The following SMARCD2 variants were observed in gnomAD, a reference collection of about 807,000 sequenced individuals.
The protein encoded by SMARCD2 is SWI/SNF-related matrix-associated actin-dependent regulator of chromatin subfamily D member 2.
Under a neutral mutation model 70.4 loss-of-function variants are expected in SMARCD2, and 39 were observed. The observed-to-expected ratio is 0.55, with a 90% CI of 0.43 to 0.72. The LOEUF (loss-of-function observed/expected upper bound fraction) is 0.72, where lower values mean the gene tolerates loss of function less well. Among genes scored for constraint, SMARCD2 ranks in the 30% least tolerant of loss-of-function variants. The pLI is 0.00. For synonymous variants in SMARCD2, 249 were observed against 279.4 expected (o/e 0.89, Z 1.08); for missense variants, 540 against 713.4 (o/e 0.76, Z 2.77).
At position 63,835,629 on chromosome 17, in the gene SMARCD2, G is replaced by T. The variant is rs140660161; in HGVS notation, c.568-62C>A. Reference sequence around the variant, plus strand: ...CAAGATGCTGGGACACAGTGCTACCGCATCTTCTCATATGAACCATTCAAC... The same window carrying T: ...CAAGATGCTGGGACACAGTGCTACCTCATCTTCTCATATGAACCATTCAAC... On this transcript the variant is annotated intron_variant, in intron 4 of 12. Transcript: ENST00000448276. The T allele has an allele frequency of 1.0e-3, 1,542 of 1,520,602 alleles. 8 individuals carry two copies. The African/African-American group carries it at 0.018, about 17-fold the overall frequency. 94.2% of individuals were successfully genotyped at this position (1,520,602 alleles called of 1,614,324 possible). A position where few individuals can be genotyped will look rare whatever the true frequency, so the allele number is the denominator to read the frequency against.
chr17:63,834,463 G>A lies in SMARCD2; in HGVS notation c.921+11C>T. The A allele has an allele frequency of 6.4e-7, 1 of 1,572,910 alleles. No homozygotes were observed. Among genetic ancestry groups the A allele is most frequent in the South Asian group, 1.1e-5 (1 of 87,320 alleles). ...CTGTGGGCCCAGAAATGACCCCAGG[G>A]TCTCTGTCACCTGATGATCCAGCAT... On this transcript the variant is annotated intron_variant, in intron 7 of 12. Transcript: ENST00000448276. The surrounding 1 kb of genome is among the most constrained non-coding windows in gnomAD (Gnocchi z 5.6).
At chr17:63,841,555 G>T (rs551884152) in intron 1 of SMARCD2, among the ~76,000 whole-genome samples, 1 of 152,388 alleles carries the variant, frequency 6.6e-6, no homozygotes, top group East Asian at 1.9e-4. Flanking sequence ...CTGAACAGCA[G>T]ACTAGAGCAC....
chr17:63,838,967 G>A lies in SMARCD2; in HGVS notation c.217-1342C>T, dbSNP rs1291956507. ...ATGGAAAGAAACATGACCCACAGAC[G>A]TGAGGATGGGGAGAGGAGGAGCAGG... On this transcript the variant is annotated intron_variant, in intron 1 of 12. Transcript: ENST00000448276. 6 of 985,236 alleles carry A rather than the reference G, an allele frequency of 6.1e-6. No individual in the cohort carries two copies. In the Admixed American group the frequency reaches 1.8e-4, roughly 30 times the overall value. 61.0% of individuals were successfully genotyped at this position (985,236 alleles called of 1,614,324 possible).
intron 4 of SMARCD2, among the ~76,000 whole-genome samples, chr17:63,836,500 GAAAAA>G (rs61376475): frequency 1.5e-5 from 1 of 64,824 alleles, no homozygotes. Context: ...CTCCATCTCA[GAAAAA>G]AAAAAAAAAA....
rs778803525 is a variant in SMARCD2 at position 63,837,531 on chromosome 17, C to T, written c.311G>A (p.Arg104Gln). ...CATCATGGTGGGTGGCATGCCAGGT[C>T]GAAGCGGAGCTGCTGCACCAAATGG... ...GSPFGAAAPLRPGMPPTMMDP... is the reference protein window; with the variant it reads ...GSPFGAAAPLQPGMPPTMMDP... Residue 104 changes from arginine (R) to glutamine (Q), a missense_variant, in exon 2 of 13, where the codon CGA becomes CAA. Coordinates refer to ENST00000448276, the MANE Select transcript of SMARCD2 (RefSeq NM_001098426.2). The surrounding 1 kb of genome is among the most constrained non-coding windows in gnomAD (Gnocchi z 6.4). The T allele has an allele frequency of 4.4e-6, 7 of 1,608,590 alleles. No individual in the cohort carries two copies. Among genetic ancestry groups the T allele is most frequent in the East Asian group, 2.2e-5 (1 of 44,812 alleles).
intron 1 of SMARCD2, among the ~76,000 whole-genome samples, chr17:63,838,441 C>T (rs1389561850): frequency 6.6e-6 from 1 of 152,132 alleles, no homozygotes; most frequent in Non-Finnish European, 1.5e-5. Flanking sequence ...GTGGTCCAGG[C>T]ACCACCTGGC....
At chr17:63,835,109 C>T (rs370728529) in intron 5 of SMARCD2, 137 of 528,804 alleles carry the variant, frequency 2.6e-4, no homozygotes, top group Middle Eastern at 1.0e-3. Context: ...TCTCTGGGAG[C>T]GCCCAAGTGT....
At chr17:63,841,785 C>T (rs1443616175) in intron 1 of SMARCD2, among the ~76,000 whole-genome samples, 9 of 148,852 alleles carry the variant, frequency 6.0e-5, no homozygotes, top group Admixed American at 4.6e-4. Context: ...GGCAGAAAGC[C>T]CAGAAGAGAG....
chr17:63,836,478 G>A (rs961774930), intron 4 of SMARCD2, among the ~76,000 whole-genome samples: 1 of 129,876 alleles, frequency 7.7e-6, no homozygotes, highest in Non-Finnish European at 1.6e-5. Context: ...CAGCTTAGGT[G>A]AAAGAGCGAG....
chr17:63,833,930 A>G lies in SMARCD2; in HGVS notation c.1160T>C (p.Ile387Thr), dbSNP rs1395566838. ...LAGLLQHPDP[I>T]VINHVISVDP... ...TTACCTAATGACATGGTTGATGACA[A>G]TGGGGTCTGGATGCTGCAGCAACCC... The change falls in exon 9 of 13, where the codon ATT becomes ACT. Residue 387 changes from isoleucine to threonine, a missense_variant. Transcript: ENST00000448276. This position sits in a 1 kb window ranked among gnomAD's most constrained non-coding sequence, Gnocchi z 4.3. The G allele has an allele frequency of 2.5e-6, 4 of 1,612,970 alleles. No individual in the cohort carries two copies. Among genetic ancestry groups the G allele is most frequent in the South Asian group, 1.1e-5 (1 of 91,064 alleles).
In SMARCD2 at chr17:63,833,729, G is replaced by A; in HGVS notation, c.1182-7C>T. 1 of 1,613,964 alleles carries A rather than the reference G, an allele frequency of 6.2e-7. No individual in the cohort carries two copies. The highest frequency in any genetic ancestry group is 8.5e-7 in the Non-Finnish European group (1 of 1,179,860). ...CTGGTCGTTAGGGTCGACACTGCAGGCAGCACATGGGGAGGGAAGGCACAT... is the reference window on the plus strand; with the variant it reads ...CTGGTCGTTAGGGTCGACACTGCAGACAGCACATGGGGAGGGAAGGCACAT... On this transcript the variant is annotated splice_region_variant and splice_polypyrimidine_tract_variant and intron_variant, in intron 9 of 12. Coordinates refer to ENST00000448276, the MANE Select transcript of SMARCD2 (RefSeq NM_001098426.2). The surrounding 1 kb of genome is among the most constrained non-coding windows in gnomAD (Gnocchi z 4.3).
rs747210303 is a variant in SMARCD2 at position 63,838,716 on chromosome 17, C to G, written c.217-1091G>C. On this transcript the variant is annotated intron_variant, in intron 1 of 12. Coordinates refer to ENST00000448276, the MANE Select transcript of SMARCD2 (RefSeq NM_001098426.2). The stretch of plus-strand genomic sequence containing the variant: ...CTGCAAGGCCTGTTTGGCAGCTCTG[C>G]CTTGCACACACTGTCCCTGGCAGCT... The G allele has an allele frequency of 2.1e-4, 287 of 1,364,440 alleles. 1 individual carries two copies. Among genetic ancestry groups the G allele is most frequent in the Non-Finnish European group, 2.6e-4 (269 of 1,054,274 alleles). The allele number at this position is 1,364,440 out of a possible 1,614,324, so 84.5% of individuals were successfully genotyped here.
chr17:63,835,193 A>G lies in SMARCD2; in HGVS notation c.723+219T>C, dbSNP rs887499399. On this transcript the variant is annotated intron_variant, in intron 5 of 12. Coordinates refer to ENST00000448276, the MANE Select transcript of SMARCD2 (RefSeq NM_001098426.2). ...GGCTGAAGTGCAGTGGTGTGATCAT[A>G]ACTCACTGAAGCTCGACCTCCTGGG... 2.6e-5 allele frequency: 15 copies of G among 571,334 alleles called. No individual in the cohort carries two copies. In the East Asian group the frequency reaches 4.4e-4, roughly 17 times the overall value. 35.4% of individuals were successfully genotyped at this position (571,334 alleles called of 1,614,324 possible).
In SMARCD2 at chr17:63,833,838, T is replaced by C; in HGVS notation, c.1181+71A>G. 1 of 1,555,892 alleles carries C rather than the reference T, an allele frequency of 6.4e-7. No individual in the cohort carries two copies. The highest frequency in any genetic ancestry group is 8.9e-7 in the Non-Finnish European group (1 of 1,129,906). ...AGGGAAAAAGAAACCTGATGCTTTC[T>C]TTGGCTTTAGTTCAAGCCAAGGGTG... On this transcript the variant is annotated intron_variant, in intron 9 of 12. Coordinates refer to ENST00000448276, the MANE Select transcript of SMARCD2 (RefSeq NM_001098426.2). The surrounding 1 kb of genome is among the most constrained non-coding windows in gnomAD (Gnocchi z 4.3).
rs775655462 is a variant in SMARCD2, at chr17:63,837,068, A to G, written c.445-24T>C. The G allele has an allele frequency of 3.1e-6, 5 of 1,611,070 alleles. No individual in the cohort carries two copies. The South Asian group carries it at 3.3e-5, about 11-fold the overall frequency. ...ATCTGAAGGAAGGTAGCAGAAGCTC[A>G]TCAGCTTGCTTCAGCCAAAGCCTGG... On this transcript the variant is annotated intron_variant, in intron 3 of 12. Transcript: ENST00000448276. This position sits in a 1 kb window ranked among gnomAD's most constrained non-coding sequence, Gnocchi z 6.4.
rs749426670 is a variant in SMARCD2 at position 63,836,926 on chromosome 17, A to T, written c.563T>A (p.Leu188Gln). The change falls in exon 4 of 13, where the codon CTG becomes CAG. Residue 188 changes from leucine (L) to glutamine (Q), a missense_variant. Transcript: ENST00000448276. Reference protein sequence around the residue: ...MEIQEAIKKPLTQKRKLRIYI... With the variant: ...MEIQEAIKKPQTQKRKLRIYI... The stretch of plus-strand genomic sequence containing the variant: ...GGTGGTCAGGGCCACACATACTGTC[A>T]GAGGCTTTTTGATGGCCTCCTGGAT... The T allele has an allele frequency of 1.2e-6, 2 of 1,613,682 alleles. No homozygotes were observed. The highest frequency in any genetic ancestry group is 1.7e-6 in the Non-Finnish European group (2 of 1,179,756).
rs1362349920 is a variant in SMARCD2, at chr17:63,837,814, C to T, written c.217-189G>A. On this transcript the variant is annotated intron_variant, in intron 1 of 12. Transcript: ENST00000448276. The surrounding 1 kb of genome is among the most constrained non-coding windows in gnomAD (Gnocchi z 6.4). ...AGTGTAAACCACACCTGCCCTGCCC[C>T]CTGCAACCGCCCTGGCAGCCATGCC... Among the ~76,000 whole-genome samples, 1 of 152,184 alleles carries T rather than the reference C, an allele frequency of 6.6e-6. No individual in the cohort carries two copies. Among genetic ancestry groups the T allele is most frequent in the Non-Finnish European group, 1.5e-5 (1 of 68,024 alleles).
rs931776403 is a variant in SMARCD2 at position 63,837,186 on chromosome 17, A to G, written c.444+9T>C. On this transcript the variant is annotated intron_variant, in intron 3 of 12. Transcript: ENST00000448276. The surrounding 1 kb of genome is among the most constrained non-coding windows in gnomAD (Gnocchi z 6.4). Reference sequence around the variant, plus strand: ...GGGCAGGCCTCCCAGGTGTCCTCTTAACACTTACTCGCTGAGGTAGAACCT... The same window carrying G: ...GGGCAGGCCTCCCAGGTGTCCTCTTGACACTTACTCGCTGAGGTAGAACCT... The G allele has an allele frequency of 1.2e-6, 2 of 1,613,364 alleles. No homozygotes were observed. The highest frequency in any genetic ancestry group is 2.7e-5 in the African/African-American group (2 of 74,876).
chr17:63,835,176 T>C (rs1195527827), intron 5 of SMARCD2: 2 of 551,770 alleles, frequency 3.6e-6, no homozygotes, highest in Admixed American at 3.5e-5. Context: ...CAGGCTGAAG[T>C]GCAGTGGTGT....
Sources: gnomAD v4.1 joint callset for allele counts (sites outside exome capture counted in the v4.1 genomes callset) on GRCh38, gnomAD v4.1.1 for gene constraint, Gnocchi (gnomAD v3.1) non-coding constraint, MANE v1.5 for transcripts, NCBI Gene and HGNC (gene_info 2026-07-23, HGNC 2026-07-21) for gene names.